The following TMPRSS3 variants were observed in gnomAD, a reference collection of about 807,000 sequenced individuals.
TMPRSS3 encodes the protein transmembrane serine protease 3.
In TMPRSS3, 55 loss-of-function variants were observed where a neutral mutation model predicts 59.6. That is an observed-to-expected ratio of 0.92 (90% CI 0.74 to 1.16). TMPRSS3 has a LOEUF of 1.16. Among genes scored for constraint, TMPRSS3 ranks in the 50% most tolerant of loss-of-function variants. The pLI is 0.00. For missense variants in TMPRSS3, 596 were observed against 579.4 expected (o/e 1.03, Z -0.29); for synonymous variants, 257 against 237.7 (o/e 1.08, Z -0.75).
chr21:42,390,110 A>G, intron 2 of TMPRSS3, 73 bp from the exon 3 acceptor site: 1 of 1,152,388 alleles, frequency 8.7e-7, no homozygotes, highest in Admixed American at 1.8e-5. Context: ...TACAAATTTA[A>G]CTATCCTTTC....
intron 12 of TMPRSS3, 121 bp downstream of exon 12, chr21:42,375,595 C>A: frequency 1.5e-6 from 2 of 1,295,632 alleles, no homozygotes; most frequent in Non-Finnish European, 2.2e-6. Context: ...CAAGTCACTG[C>A]TGCTGAATTG....
chr21:42,395,276 A>G (rs909442608), intron 2 of TMPRSS3, 48 bp downstream of exon 2: 2 of 1,512,552 alleles, frequency 1.3e-6, no homozygotes, highest in African/African-American at 2.7e-5. Context: ...GGTCACCTAC[A>G]TGAGGGTATG....
At position 42,386,907 on chromosome 21, in the gene TMPRSS3, A is replaced by G. The variant is rs140475694; in HGVS notation, c.447-1373T>C. Among the ~76,000 whole-genome samples the G allele has an allele frequency of 4.6e-5, 7 of 152,346 alleles. No homozygotes were observed. The East Asian group carries it at 1.3e-3, about 29-fold the overall frequency. The stretch of plus-strand genomic sequence containing the variant: ...AAAATAGAACAAAATGCAGAAATAA[A>G]TCTTAGAAACTGAAGCAATGGATAG... On this transcript the variant is annotated intron_variant, in intron 5 of 12. Coordinates refer to ENST00000644384, the MANE Select transcript of TMPRSS3 (RefSeq NM_001256317.3).
At chr21:42,392,288 G>T (rs1485857066) in intron 2 of TMPRSS3, among the ~76,000 whole-genome samples, 1 of 151,422 alleles carries the variant, frequency 6.6e-6, no homozygotes, top group East Asian at 1.9e-4. Context: ...AGAAAGAAGA[G>T]AATTTGAAGA....
At chr21:42,389,697 G>A (rs1432350011) in intron 3 of TMPRSS3, among the ~76,000 whole-genome samples, 1 of 152,194 alleles carries the variant, frequency 6.6e-6, no homozygotes, top group South Asian at 2.1e-4. Context: ...AACCGGGCAG[G>A]TTCCTTGGTG....
chr21:42,383,952 C>A lies in TMPRSS3; in HGVS notation c.616+18G>T. The A allele has an allele frequency of 6.2e-7, 1 of 1,613,980 alleles. No homozygotes were observed. The highest frequency in any genetic ancestry group is 1.3e-5 in the African/African-American group (1 of 75,012). On this transcript the variant is annotated intron_variant, in intron 7 of 12. Coordinates refer to ENST00000644384, the MANE Select transcript of TMPRSS3 (RefSeq NM_001256317.3). ...TGTGCTTGCTCCCCCTGGACCCCTG[C>A]CTTTCTGGAACTCTTACCTGTGCAC...
At chr21:42,375,406 G>A (rs1398651375) in intron 12 of TMPRSS3, among the ~76,000 whole-genome samples, 4 of 137,778 alleles carry the variant, frequency 2.9e-5, no homozygotes, top group East Asian at 4.2e-4. Context: ...GGGCACGCCC[G>A]ACCCATCCCC....
chr21:42,372,721 A>C lies in TMPRSS3; in HGVS notation c.*41T>G, dbSNP rs1294208801. On this transcript the variant is annotated 3_prime_UTR_variant, in exon 13 of 13. Transcript: ENST00000644384. ...TCCAGGGGAGGATCGGGCTGTCTTC[A>C]TCACCTCAGGAACTCAGGTGGCTAC... The C allele has an allele frequency of 3.1e-6, 5 of 1,611,988 alleles. No homozygotes were observed. Among genetic ancestry groups the C allele is most frequent in the Admixed American group, 3.3e-5 (2 of 60,002 alleles).
intron 2 of TMPRSS3, among the ~76,000 whole-genome samples, chr21:42,393,527 T>G (rs2146458507): frequency 6.6e-6 from 1 of 152,250 alleles, no homozygotes; most frequent in South Asian, 2.1e-4. Context: ...CCAAGGACAC[T>G]TAGAAGAATG....
intron 10 of TMPRSS3, 122 bp from the exon 11 acceptor site, chr21:42,376,805 C>T (rs1022012928): frequency 2.0e-5 from 29 of 1,442,070 alleles, no homozygotes; most frequent in Middle Eastern, 2.3e-4. Flanking sequence ...TCTGGTGTGT[C>T]GCAACAGCGG....
chr21:42,382,979 C>G lies in TMPRSS3; in HGVS notation c.782+54G>C. 3 of 1,610,858 alleles carry G rather than the reference C, an allele frequency of 1.9e-6. No individual in the cohort carries two copies. In the South Asian group the frequency reaches 3.3e-5, roughly 18 times the overall value. On this transcript the variant is annotated intron_variant, in intron 8 of 12. Coordinates refer to ENST00000644384, the MANE Select transcript of TMPRSS3 (RefSeq NM_001256317.3). ...TCTCACCACCCAAAGCAGCCCCACCCTGACATGACCCAGGAGTGAACAGGG... is the reference window on the plus strand; with the variant it reads ...TCTCACCACCCAAAGCAGCCCCACCGTGACATGACCCAGGAGTGAACAGGG...
intron 2 of TMPRSS3, chr21:42,390,250 G>A (rs1186226475): frequency 7.0e-6 from 4 of 570,226 alleles, no homozygotes; most frequent in Non-Finnish European, 1.3e-5. Flanking sequence ...TTATTCCATG[G>A]GGGATGAGGG....
chr21:42,383,018 G>C lies in TMPRSS3; in HGVS notation c.782+15C>G. The C allele has an allele frequency of 2.5e-6, 4 of 1,613,840 alleles. No individual in the cohort carries two copies. The highest frequency in any genetic ancestry group is 3.4e-6 in the Non-Finnish European group (4 of 1,180,018). On this transcript the variant is annotated intron_variant, in intron 8 of 12. Coordinates refer to ENST00000644384, the MANE Select transcript of TMPRSS3 (RefSeq NM_001256317.3). ...GAGTGAACAGGGGTCTGGGAAGATG[G>C]TCAGCAGCACTCACTCATAAACACA...
intron 6 of TMPRSS3, 100 bp from the exon 7 acceptor site, chr21:42,384,113 A>T: frequency 9.0e-7 from 1 of 1,110,658 alleles, no homozygotes; most frequent in East Asian, 2.6e-5. Context: ...AATAAATTCT[A>T]TTTCCCCCTC....
chr21:42,374,743 T>G (rs1045425926), intron 12 of TMPRSS3, among the ~76,000 whole-genome samples: 6 of 152,182 alleles, frequency 3.9e-5, no homozygotes, highest in African/African-American at 1.4e-4. Context: ...TATATAAATT[T>G]CACTTGAATT....
chr21:42,380,123 C>T lies in TMPRSS3; in HGVS notation c.1042G>A (p.Asp348Asn), dbSNP rs111033261. 1,874 of 1,613,926 alleles carry T rather than the reference C, an allele frequency of 1.2e-3. 3 individuals carry two copies. Among genetic ancestry groups the T allele is most frequent in the Non-Finnish European group, 1.5e-3 (1,715 of 1,179,842 alleles). Residue 348 changes from aspartate to asparagine, a missense_variant, in exon 10 of 13, where the codon GAT becomes AAT. Physicochemically the swap from Asp to Asn is conservative, Grantham distance 23. Coordinates refer to ENST00000644384, the MANE Select transcript of TMPRSS3 (RefSeq NM_001256317.3). ...CWTSGWGATE[D>N]GGDASPVLNH... is the part of the protein sequence containing the mutation. ...TTGGCTTCAGCCCACTGACCTCCATCCTCTGTGGCCCCCCATCCTGACGTC... is the reference window on the plus strand; with the variant it reads ...TTGGCTTCAGCCCACTGACCTCCATTCTCTGTGGCCCCCCATCCTGACGTC...
intron 7 of TMPRSS3, 101 bp downstream of exon 7, chr21:42,383,869 G>T: frequency 7.8e-7 from 1 of 1,277,014 alleles, no homozygotes; most frequent in Non-Finnish European, 1.1e-6. Flanking sequence ...CCAGGAGGAA[G>T]GGATACAGAG....
intron 5 of TMPRSS3, among the ~76,000 whole-genome samples, chr21:42,387,057 A>G (rs531623299): frequency 6.6e-6 from 1 of 150,904 alleles, no homozygotes; most frequent in Non-Finnish European, 1.5e-5. Flanking sequence ...ATATTTTACC[A>G]AACGGGCTGG....
Position 42,372,341 on chromosome 21 carries a change from T to A in TMPRSS3, c.*421A>T. ...GTGGGAGGCTGAAGCAGGCACATCA[T>A]TTGAGGTCAGGGGTTTGAGAGCAGC... On this transcript the variant is annotated 3_prime_UTR_variant, in exon 13 of 13. Transcript: ENST00000644384. 1 of 456,688 alleles carries A rather than the reference T, an allele frequency of 2.2e-6. No homozygotes were observed. The highest frequency in any genetic ancestry group is 2.0e-5 in the African/African-American group (1 of 50,246). 28.3% of individuals were successfully genotyped at this position (456,688 alleles called of 1,614,324 possible).
Sources: gnomAD v4.1 joint callset for allele counts (sites outside exome capture counted in the v4.1 genomes callset) on GRCh38, gnomAD v4.1.1 for gene constraint, MANE v1.5 for transcripts, NCBI Gene and HGNC (gene_info 2026-07-23, HGNC 2026-07-21) for gene names.